ADCY9: variants seen among roughly 807,000 people sequenced by gnomAD.
ADCY9 encodes adenylate cyclase 9, also known as adenylate cyclase type 9.
Under a neutral mutation model 101.5 loss-of-function variants are expected in ADCY9, and 50 were observed. That is an observed-to-expected ratio of 0.49 (90% CI 0.39 to 0.62). The LOEUF is 0.62. Ranked by LOEUF, ADCY9 falls within the 20% of genes least tolerant of loss-of-function variation. The probability of loss-of-function intolerance (pLI) is 0.00; values close to 1 mark genes in which losing one functional copy is unlikely to be tolerated. For missense variants in ADCY9, 1,662 were observed against 1,800.4 expected, an observed-to-expected ratio of 0.92 and a Z score of 1.39; for synonymous variants, 905 against 769.3, an observed-to-expected ratio of 1.18 and a Z score of -2.92.
chr16:3,983,635 A>C, intron 6 of ADCY9, 195 bp from the exon 7 acceptor site: 1 of 570,492 alleles, frequency 1.8e-6, no homozygotes, highest in Non-Finnish European at 3.1e-6. Context: ...GAGAAGTTAA[A>C]CTTGCCCAGG....
In ADCY9 at chr16:3,963,961, C is replaced by T. The variant is rs1400722831; in HGVS notation, c.*1814G>A. On this transcript the variant is annotated 3_prime_UTR_variant, in exon 11 of 11. Coordinates refer to ENST00000294016, the MANE Select transcript of ADCY9 (RefSeq NM_001116.4). ...ACTGACAGTCACACCTGACAGGAAA[C>T]CTTACAGCTAATGGGGGGAGGTGCC... The T allele has an allele frequency of 6.6e-6, 1 of 152,650 alleles. No homozygotes were observed. The highest frequency in any genetic ancestry group is 1.5e-5 in the Non-Finnish European group (1 of 68,048). The allele number at this position is 152,650 out of a possible 1,614,324, so 9.5% of individuals were successfully genotyped here. A position where few individuals can be genotyped will look rare whatever the true frequency, so the allele number is the denominator to read the frequency against.
intron 2 of ADCY9, among the ~76,000 whole-genome samples, chr16:4,084,904 T>C (rs551060180): frequency 1.3e-5 from 2 of 152,264 alleles, no homozygotes; most frequent in Non-Finnish European, 2.9e-5. Context: ...ATGATACTCA[T>C]ATCAACTTCA....
chr16:4,084,396 G>C (rs568556369), intron 2 of ADCY9, among the ~76,000 whole-genome samples: 2 of 152,112 alleles, frequency 1.3e-5, no homozygotes, highest in East Asian at 3.9e-4. Context: ...ACAGGCCTGA[G>C]CCACCGGGCC....
chr16:4,079,494 G>A lies in ADCY9; in HGVS notation c.1693+34256C>T, dbSNP rs193102649. Among the ~76,000 whole-genome samples the A allele has an allele frequency of 5.3e-3, 803 of 152,196 alleles. 2 individuals carry two copies. The highest frequency in any genetic ancestry group is 8.7e-3 in the Non-Finnish European group (593 of 68,008). ...TGAGGCAGGAGAATCTCTTGAACCC[G>A]GGAGGCAGAGGTTGCAGTGAGCCGA... On this transcript the variant is annotated intron_variant, in intron 2 of 10. Transcript: ENST00000294016.
rs1439793065 is a variant in ADCY9, at chr16:4,115,312, T to C, written c.131A>G (p.Lys44Arg). ...PKQLSSNSHPKHCKYSISSSC... is the reference protein window; with the variant it reads ...PKQLSSNSHPRHCKYSISSSC... ...AGAGGAGATGCTGTATTTGCAGTGC[T>C]TGGGGTGGCTGTTGGAGGACAGCTG... is the stretch of plus-strand genomic sequence containing the variant. The change falls in exon 2 of 11, where the codon AAG becomes AGG. Residue 44 changes from lysine to arginine, a missense_variant. Transcript: ENST00000294016. This position sits in a 1 kb window ranked among gnomAD's most constrained non-coding sequence, Gnocchi z 6.2. 6.2e-7 allele frequency: 1 copy of C among 1,613,640 alleles called. No individual in the cohort carries two copies. Among genetic ancestry groups the C allele is most frequent in the Non-Finnish European group, 8.5e-7 (1 of 1,179,870 alleles).
intron 3 of ADCY9, among the ~76,000 whole-genome samples, chr16:4,001,192 C>T (rs750941140): frequency 5.9e-5 from 9 of 152,114 alleles, no homozygotes; most frequent in Admixed American, 3.9e-4. Flanking sequence ...GTTTCCGCAC[C>T]GTCCCTTTGC....
chr16:4,003,237 A>G (rs1262902147), intron 3 of ADCY9, among the ~76,000 whole-genome samples: 1 of 152,144 alleles, frequency 6.6e-6, no homozygotes, highest in African/African-American at 2.4e-5. Flanking sequence ...CTCAGCCGCA[A>G]TCACTGTGAG....
chr16:4,091,883 C>G (rs1452118431), intron 2 of ADCY9, among the ~76,000 whole-genome samples: 3 of 152,196 alleles, frequency 2.0e-5, no homozygotes, highest in Non-Finnish European at 2.9e-5. Context: ...GAATTAGACC[C>G]AGGGGATGGT....
chr16:4,072,799 G>A (rs1486564005), intron 2 of ADCY9, among the ~76,000 whole-genome samples: 2 of 151,920 alleles, frequency 1.3e-5, no homozygotes, highest in African/African-American at 4.8e-5. Flanking sequence ...TAAAAATAAA[G>A]AGAAAATCTT....
chr16:3,977,443 C>T (rs2141682812), intron 9 of ADCY9, 39 bp downstream of exon 9: 2 of 1,537,076 alleles, frequency 1.3e-6, no homozygotes, highest in South Asian at 2.4e-5. Context: ...GCAAGGTGGC[C>T]ACGCACCCTG....
intron 2 of ADCY9, among the ~76,000 whole-genome samples, chr16:4,054,728 G>A (rs1180155028): frequency 6.6e-6 from 1 of 152,012 alleles, no homozygotes; most frequent in Non-Finnish European, 1.5e-5. Flanking sequence ...CCGCCACCAT[G>A]CCCGGCTAAT....
chr16:4,077,014 T>C (rs935270927), intron 2 of ADCY9, among the ~76,000 whole-genome samples: 2 of 151,614 alleles, frequency 1.3e-5, no homozygotes, highest in African/African-American at 2.4e-5. Flanking sequence ...GAGGTGGACG[T>C]TGCAGTGAGC....
At chr16:4,083,078 G>A (rs1015694182) in intron 2 of ADCY9, among the ~76,000 whole-genome samples, 1 of 152,166 alleles carries the variant, frequency 6.6e-6, no homozygotes, top group Non-Finnish European at 1.5e-5. Context: ...CTGGGGTCCT[G>A]GAAATGTCAT....
intron 2 of ADCY9, among the ~76,000 whole-genome samples, chr16:4,021,338 C>CT (rs2141739346): frequency 6.6e-6 from 1 of 152,348 alleles, no homozygotes; most frequent in South Asian, 2.1e-4. Flanking sequence ...AAAGGTATTA[C>CT]TCCACCATCC....
At chr16:4,057,210 G>C (rs555710317) in intron 2 of ADCY9, among the ~76,000 whole-genome samples, 1 of 151,998 alleles carries the variant, frequency 6.6e-6, no homozygotes, top group African/African-American at 2.4e-5. Context: ...GTGCAATCTC[G>C]GCTCACTGCA....
chr16:4,065,522 G>A (rs1424315233), intron 2 of ADCY9, among the ~76,000 whole-genome samples: 3 of 152,166 alleles, frequency 2.0e-5, no homozygotes, highest in Non-Finnish European at 4.4e-5. Context: ...GAAGTCGAAT[G>A]TCGCACGTCA....
At chr16:4,082,649 C>T (rs138693782) in intron 2 of ADCY9, among the ~76,000 whole-genome samples, 314 of 151,904 alleles carry the variant, frequency 2.1e-3, no homozygotes, top group African/African-American at 7.3e-3. Flanking sequence ...CGCATGCACG[C>T]ACACATATAT....
At chr16:3,969,727 G>A (rs1022902511) in intron 10 of ADCY9, among the ~76,000 whole-genome samples, 23 of 148,718 alleles carry the variant, frequency 1.5e-4, no homozygotes, top group Non-Finnish European at 3.0e-4. Context: ...CGATCCTCCC[G>A]CCTCAGCCTC....
intron 3 of ADCY9, among the ~76,000 whole-genome samples, chr16:3,994,677 T>C (rs1453216512): frequency 6.6e-6 from 1 of 152,198 alleles, no homozygotes; most frequent in Non-Finnish European, 1.5e-5. Context: ...AGGCTGGTCT[T>C]GAACTCCTGA....
Sources: allele counts gnomAD v4.1 joint callset (sites outside exome capture counted in the v4.1 genomes callset), GRCh38; gene constraint gnomAD v4.1.1; non-coding constraint Gnocchi (gnomAD v3.1); transcripts MANE v1.5; gene names NCBI Gene and HGNC (gene_info 2026-07-23, HGNC 2026-07-21).